SORCS2: variants seen among roughly 807,000 people sequenced by gnomAD.
SORCS2 encodes VPS10 domain-containing receptor SorCS2.
SORCS2 carries 100 observed loss-of-function variants against 141.6 expected under a neutral mutation model. The observed-to-expected ratio is 0.71, with a 90% CI of 0.60 to 0.83. The LOEUF (loss-of-function observed/expected upper bound fraction) is 0.83. Ranked by LOEUF, SORCS2 falls within the 40% of genes least tolerant of loss-of-function variation. The pLI is 0.00. For missense variants in SORCS2, 1,646 were observed against 1,560.2 expected, an observed-to-expected ratio of 1.05 and a Z score of -0.93; for synonymous variants, 789 against 676.9, an observed-to-expected ratio of 1.17 and a Z score of -2.57.
At chr4:7,263,451 G>C (rs543582967) in intron 1 of SORCS2, among the ~76,000 whole-genome samples, 12 of 152,322 alleles carry the variant, frequency 7.9e-5, no homozygotes, top group African/African-American at 2.4e-4. Context: ...CAGGACGCTG[G>C]CCGGGTGTTC....
intron 13 of SORCS2, 57 bp downstream of exon 13, chr4:7,703,428 ACCTGG>A (rs1725210412): frequency 7.0e-7 from 1 of 1,429,776 alleles, no homozygotes; most frequent in African/African-American, 1.4e-5. Context: ...CTTTCTTTCC[ACCTGG>A]GAACCCTCTC....
At position 7,526,865 on chromosome 4, in the gene SORCS2, A is replaced by G. The variant is rs960373597; in HGVS notation, c.549-4665A>G. Among the ~76,000 whole-genome samples, 6 of 152,248 alleles carry G rather than the reference A, an allele frequency of 3.9e-5. No individual in the cohort carries two copies. In the South Asian group the frequency reaches 1.0e-3, roughly 26 times the overall value. On this transcript the variant is annotated intron_variant, in intron 2 of 26. Coordinates refer to ENST00000507866, the MANE Select transcript of SORCS2 (RefSeq NM_020777.3). ...AGAACAGGTGAAATTAATTTTAATC[A>G]CAGCTTTTAATTAACTCAATATATC...
chr4:7,346,953 G>A (rs1488910705), intron 1 of SORCS2, among the ~76,000 whole-genome samples: 1 of 152,158 alleles, frequency 6.6e-6, no homozygotes, highest in South Asian at 2.1e-4. Context: ...TTTATGGTCA[G>A]CACTTAACAC....
rs541386363 is a variant in SORCS2 at position 7,679,614 on chromosome 4, G to A, written c.1342-3129G>A. ...CCGCACGCCAGGGAGGGCTGGAGGCGCGGAGGTGGAAGGGGCAGGAAGGAT... is the reference window on the plus strand; with the variant it reads ...CCGCACGCCAGGGAGGGCTGGAGGCACGGAGGTGGAAGGGGCAGGAAGGAT... On this transcript the variant is annotated intron_variant, in intron 9 of 26. Transcript: ENST00000507866. Among the ~76,000 whole-genome samples the A allele has an allele frequency of 2.0e-3, 309 of 152,328 alleles. 2 individuals are homozygous for A. The highest frequency in any genetic ancestry group is 7.0e-3 in the African/African-American group (291 of 41,572).
intron 1 of SORCS2, among the ~76,000 whole-genome samples, chr4:7,220,889 A>G (rs1022634338): frequency 1.3e-5 from 2 of 152,244 alleles, no homozygotes; most frequent in African/African-American, 2.4e-5. Context: ...AGGTTGCCAT[A>G]GAAAGAACAT....
chr4:7,284,634 T>C (rs1328649512), intron 1 of SORCS2, among the ~76,000 whole-genome samples: 2 of 152,168 alleles, frequency 1.3e-5, no homozygotes, highest in African/African-American at 4.8e-5. Context: ...CATCCACTCA[T>C]GTTCTGAAGT....
intron 1 of SORCS2, among the ~76,000 whole-genome samples, chr4:7,227,073 C>T (rs374158109): frequency 6.6e-6 from 1 of 152,020 alleles, no homozygotes; most frequent in African/African-American, 2.4e-5. Flanking sequence ...TCTTATGCAC[C>T]TGTGGGTACT....
chr4:7,677,706 G>T (rs1042528984), intron 9 of SORCS2, among the ~76,000 whole-genome samples: 1 of 152,180 alleles, frequency 6.6e-6, no homozygotes, highest in Non-Finnish European at 1.5e-5. Context: ...GCAGAACTGT[G>T]GTCCCCAGGA....
At chr4:7,726,084 C>T (rs531009017) in intron 20 of SORCS2, among the ~76,000 whole-genome samples, 169 of 152,334 alleles carry the variant, frequency 1.1e-3, no homozygotes, top group African/African-American at 4.0e-3. Context: ...GGCAACATGG[C>T]GCCCACCCGG....
rs1726959334 is a variant in SORCS2 at position 7,193,245 on chromosome 4, G to A, written c.480+119G>A. 12 of 1,254,042 alleles carry A rather than the reference G, an allele frequency of 9.6e-6. No homozygotes were observed. Among genetic ancestry groups the A allele is most frequent in the Non-Finnish European group, 1.2e-5 (12 of 989,530 alleles). 77.7% of individuals were successfully genotyped at this position (1,254,042 alleles called of 1,614,324 possible). On this transcript the variant is annotated intron_variant, in intron 1 of 26. Coordinates refer to ENST00000507866, the MANE Select transcript of SORCS2 (RefSeq NM_020777.3). The surrounding 1 kb of genome is among the most constrained non-coding windows in gnomAD (Gnocchi z 4.8). ...TATGGTCATCAGGGGCGGGTTCTTG[G>A]CGACTTGGGCACTTGGGTCACCTCG... is the stretch of plus-strand genomic sequence containing the variant.
chr4:7,350,700 T>C (rs1720887960), intron 1 of SORCS2, among the ~76,000 whole-genome samples: 1 of 152,268 alleles, frequency 6.6e-6, no homozygotes, highest in Non-Finnish European at 1.5e-5. Flanking sequence ...TTTTCACCGA[T>C]GCCACTTGGC....
At chr4:7,321,287 T>C (rs1342248983) in intron 1 of SORCS2, among the ~76,000 whole-genome samples, 4 of 152,236 alleles carry the variant, frequency 2.6e-5, no homozygotes, top group African/African-American at 9.6e-5. Flanking sequence ...TTCCTTTTTA[T>C]GGCTGAGTAG....
chr4:7,288,108 C>T (rs1716349569), intron 1 of SORCS2, among the ~76,000 whole-genome samples: 1 of 152,140 alleles, frequency 6.6e-6, no homozygotes, highest in Non-Finnish European at 1.5e-5. Flanking sequence ...GGTTTCGATG[C>T]AGTGTTTAAG....
chr4:7,686,315 T>A (rs919092480), intron 10 of SORCS2, among the ~76,000 whole-genome samples: 1 of 152,250 alleles, frequency 6.6e-6, no homozygotes, highest in East Asian at 1.9e-4. Context: ...TTCTAAGGCG[T>A]GAGGCTGCAG....
At chr4:7,205,664 G>C (rs1727689508) in intron 1 of SORCS2, among the ~76,000 whole-genome samples, 1 of 152,242 alleles carries the variant, frequency 6.6e-6, no homozygotes, top group Admixed American at 6.5e-5. Context: ...GGGGCTGGTT[G>C]AAAACAAAGA....
chr4:7,691,207 C>T (rs1484770157), intron 11 of SORCS2, among the ~76,000 whole-genome samples: 1 of 152,230 alleles, frequency 6.6e-6, no homozygotes, highest in Non-Finnish European at 1.5e-5. Context: ...ATGTGGACCC[C>T]AGACTCTGAG....
intron 10 of SORCS2, among the ~76,000 whole-genome samples, chr4:7,684,698 G>C (rs1723763447): frequency 6.6e-6 from 1 of 152,228 alleles, no homozygotes; most frequent in Non-Finnish European, 1.5e-5. Flanking sequence ...CACTTGCAAT[G>C]TGCCAGGCAC....
chr4:7,510,774 C>T (rs1169309235), intron 2 of SORCS2, among the ~76,000 whole-genome samples: 2 of 128,466 alleles, frequency 1.6e-5, no homozygotes, highest in Admixed American at 1.6e-4. Context: ...CATGGACCGA[C>T]GCTTGCGCAT....
intron 2 of SORCS2, among the ~76,000 whole-genome samples, chr4:7,483,950 G>A (rs1206982422): frequency 1.3e-5 from 2 of 152,142 alleles, no homozygotes; most frequent in African/African-American, 4.8e-5. Context: ...AAACAAAAAC[G>A]AGTCTTTCAG....
Sources: allele counts gnomAD v4.1 joint callset (sites outside exome capture counted in the v4.1 genomes callset), GRCh38; gene constraint gnomAD v4.1.1; non-coding constraint Gnocchi (gnomAD v3.1); transcripts MANE v1.5; gene names NCBI Gene and HGNC (gene_info 2026-07-23, HGNC 2026-07-21).